FGD4: variants seen among roughly 807,000 people sequenced by gnomAD.
FGD4 encodes FYVE, RhoGEF and PH domain-containing protein 4.
In FGD4, 42 loss-of-function variants were observed where a neutral mutation model predicts 102.0. That is an observed-to-expected ratio of 0.41 (90% CI 0.32 to 0.53). The LOEUF is 0.53. FGD4 is among the 20% of genes least tolerant of loss of function. The pLI, the probability that FGD4 is intolerant of heterozygous loss-of-function variation, is 0.21. For missense variants in FGD4, 902 were observed against 1,078.2 expected (o/e 0.84, Z 2.29); for synonymous variants, 380 against 375.7 (o/e 1.01, Z -0.13).
At chr12:32,446,368 C>G (rs1942615664) in intron 1 of FGD4, among the ~76,000 whole-genome samples, 1 of 152,036 alleles carries the variant, frequency 6.6e-6, no homozygotes, top group South Asian at 2.1e-4. Flanking sequence ...TATGTTGAAA[C>G]CTGAAGCCCA....
chr12:32,512,952 T>C (rs1167232962), intron 1 of FGD4, among the ~76,000 whole-genome samples: 7 of 152,160 alleles, frequency 4.6e-5, no homozygotes, highest in Non-Finnish European at 1.5e-5. Context: ...ACATCAAAGT[T>C]AGGTAGATTT....
chr12:32,424,259 C>T (rs1457373061), intron 1 of FGD4, among the ~76,000 whole-genome samples: 1 of 151,976 alleles, frequency 6.6e-6, no homozygotes, highest in Non-Finnish European at 1.5e-5. Flanking sequence ...GTGATGTTCC[C>T]CTCCCTGTGT....
chr12:32,636,873 CTTTTTTTTTTT>C (rs1423444464), intron 15 of FGD4, among the ~76,000 whole-genome samples: 1 of 136,084 alleles, frequency 7.3e-6, no homozygotes, highest in Non-Finnish European at 1.6e-5. Flanking sequence ...TATTTTTTTT[CTTTTTTTTTTT>C]TTTTTAGACA....
intron 1 of FGD4, among the ~76,000 whole-genome samples, chr12:32,450,677 C>T (rs1433388010): frequency 2.0e-5 from 3 of 152,172 alleles, no homozygotes; most frequent in Non-Finnish European, 4.4e-5. Flanking sequence ...TTCAGGCTTT[C>T]TTGGTGAACA....
chr12:32,424,315 C>T (rs557479773), intron 1 of FGD4, among the ~76,000 whole-genome samples: 155 of 151,894 alleles, frequency 1.0e-3, no homozygotes, highest in Non-Finnish European at 1.9e-3. Context: ...TGAGAACATG[C>T]GGTGTTTGGT....
At position 32,611,211 on chromosome 12, in the gene FGD4, A is replaced by G. The variant is rs1949114096; in HGVS notation, c.1677A>G (p.Glu559=). The G allele has an allele frequency of 6.2e-7, 1 of 1,614,200 alleles. No homozygotes were observed. Among genetic ancestry groups the G allele is most frequent in the East Asian group, 2.2e-5 (1 of 44,880 alleles). The change falls in exon 10 of 17, where the codon GAA becomes GAG. Residue 559 remains glutamate, a synonymous_variant. Coordinates refer to ENST00000534526, the MANE Select transcript of FGD4 (RefSeq NM_001370298.3). The stretch of plus-strand genomic sequence containing the variant: ...AAGACATTGTAAACCCTTCAAATGA[A>G]CTAATAAAAGAAGGACAGATCCTCA... The part of the protein sequence containing the change: ...EEEDIVNPSN[E]LIKEGQILKL...
At chr12:32,637,742 T>C (rs1318715156) in intron 15 of FGD4, 1 of 151,970 alleles carries the variant, frequency 6.6e-6, no homozygotes, top group Non-Finnish European at 1.5e-5. Flanking sequence ...AGTGAGCAAG[T>C]GTATGAAGGA....
intron 1 of FGD4, among the ~76,000 whole-genome samples, chr12:32,420,355 G>A (rs1941586064): frequency 6.6e-6 from 1 of 152,086 alleles, no homozygotes; most frequent in Non-Finnish European, 1.5e-5. Context: ...GCTCTTCCGG[G>A]CATGTCTTTC....
At chr12:32,512,792 C>G (rs1939516265) in intron 1 of FGD4, among the ~76,000 whole-genome samples, 1 of 152,206 alleles carries the variant, frequency 6.6e-6, no homozygotes, top group African/African-American at 2.4e-5. Context: ...CCTGTATTCT[C>G]AACCATCCAG....
chr12:32,552,715 A>C (rs529801540), intron 1 of FGD4, among the ~76,000 whole-genome samples: 1 of 152,172 alleles, frequency 6.6e-6, no homozygotes, highest in South Asian at 2.1e-4. Context: ...TCTACCTAAG[A>C]AAACAGCATG....
At chr12:32,633,863 T>G (rs1236620940) in intron 15 of FGD4, among the ~76,000 whole-genome samples, 174 bp downstream of exon 15, 3 of 152,208 alleles carry the variant, frequency 2.0e-5, no homozygotes, top group Non-Finnish European at 4.4e-5. Flanking sequence ...TTTGTATTTT[T>G]AGTAGGGATG....
At chr12:32,581,354 A>C (rs189122751) in intron 3 of FGD4, among the ~76,000 whole-genome samples, 6 of 152,336 alleles carry the variant, frequency 3.9e-5, no homozygotes, top group Non-Finnish European at 8.8e-5. Context: ...GGAAGCCCTC[A>C]GAGTTTGTGA....
At chr12:32,552,765 G>A (rs532400995) in intron 1 of FGD4, among the ~76,000 whole-genome samples, 1 of 149,146 alleles carries the variant, frequency 6.7e-6, no homozygotes, top group Non-Finnish European at 1.5e-5. Flanking sequence ...TCCAATGCAA[G>A]AGTCATCATG....
At position 32,638,788 on chromosome 12, in the gene FGD4, C is replaced by T. The variant is rs1322296984; in HGVS notation, c.2447C>T (p.Ala816Val). ...QDPLVLYMYGAPQDVRAQATI... is the reference protein window; with the variant it reads ...QDPLVLYMYGVPQDVRAQATI... ...CCTCTTGTGCTGTACATGTATGGTGCCCCCCAGGTATCTAAACCACATCTG... is the reference window on the plus strand; with the variant it reads ...CCTCTTGTGCTGTACATGTATGGTGTCCCCCAGGTATCTAAACCACATCTG... Residue 816 changes from alanine to valine, a missense_variant, in exon 16 of 17, where the codon GCC becomes GTC. Physicochemically the swap from Ala to Val is moderately conservative, Grantham distance 64 (BLOSUM62 0). Coordinates refer to ENST00000534526, the MANE Select transcript of FGD4 (RefSeq NM_001370298.3). The T allele has an allele frequency of 3.1e-6, 5 of 1,613,644 alleles. No homozygotes were observed. Among genetic ancestry groups the T allele is most frequent in the Non-Finnish European group, 4.2e-6 (5 of 1,179,826 alleles).
At chr12:32,500,162 C>T (rs1938080292) in intron 1 of FGD4, among the ~76,000 whole-genome samples, 1 of 152,148 alleles carries the variant, frequency 6.6e-6, no homozygotes, top group African/African-American at 2.4e-5. Context: ...AAATGAGGTT[C>T]TCGTTCCAAC....
chr12:32,444,125 C>T (rs1026947000), intron 1 of FGD4, among the ~76,000 whole-genome samples: 5 of 150,764 alleles, frequency 3.3e-5, no homozygotes, highest in African/African-American at 7.3e-5. Flanking sequence ...CCCAGGCTCA[C>T]GCAATGCTCC....
chr12:32,455,555 T>TAGAAA (rs1408147500), intron 1 of FGD4, among the ~76,000 whole-genome samples: 1 of 152,126 alleles, frequency 6.6e-6, no homozygotes, highest in African/African-American at 2.4e-5. Flanking sequence ...CGTACAAAGG[T>TAGAAA]ATTTACCCAA....
Position 32,619,737 on chromosome 12 carries a change from T to C in FGD4, c.1789T>C (p.Leu597=). The change falls in exon 11 of 17, where the codon TTG becomes CTG. Residue 597 remains leucine, a synonymous_variant. Transcript: ENST00000534526. ...GCTGTACTGTGTGCCCAAATTCAGC[T>C]TGGTAGGCTCTAAATTCACAGTTCG... is the stretch of plus-strand genomic sequence containing the variant. ...MLLYCVPKFS[L]VGSKFTVRTR... The C allele has an allele frequency of 6.2e-7, 1 of 1,614,124 alleles. No individual in the cohort carries two copies.
rs761981100 is a variant in FGD4, at chr12:32,582,254, T to C, written c.798T>C (p.Asn266=). The change falls in exon 4 of 17, where the codon AAT becomes AAC. Residue 266 remains asparagine (N), a synonymous_variant. Transcript: ENST00000534526. ...CCTTGCTTGATACGCACATAGTGAA[T>C]GGAGAAAGAGATGAAACTGCCACAG... ...SEPLLDTHIV[N]GERDETATAP... 2.5e-6 allele frequency: 4 copies of C among 1,614,190 alleles called. 1 individual carries two copies. The South Asian group carries it at 3.3e-5, about 13-fold the overall frequency.
Sources: allele counts gnomAD v4.1 joint callset (sites outside exome capture counted in the v4.1 genomes callset), GRCh38; gene constraint gnomAD v4.1.1; transcripts MANE v1.5; gene names NCBI Gene and HGNC (gene_info 2026-07-23, HGNC 2026-07-21).